Variants in THSD7A observed in about 807,000 individuals in gnomAD.
THSD7A encodes thrombospondin type-1 domain-containing protein 7A.
In THSD7A, 96 loss-of-function variants were observed where a neutral mutation model predicts 231.3. The ratio of observed to expected loss-of-function variants is 0.41; its 90% CI spans 0.35 to 0.49. THSD7A has a LOEUF of 0.49. Among genes scored for constraint, THSD7A ranks in the 20% least tolerant of loss-of-function variants. THSD7A has a pLI of 0.05. For missense variants in THSD7A, 2,290 were observed against 2,070.2 expected, an observed-to-expected ratio of 1.11 and a Z score of -2.06; for synonymous variants, 940 against 743.3, an observed-to-expected ratio of 1.26 and a Z score of -4.30.
intron 8 of THSD7A, among the ~76,000 whole-genome samples, chr7:11,473,884 T>C (rs559625441): frequency 2.4e-4 from 37 of 152,278 alleles, no homozygotes; most frequent in African/African-American, 7.9e-4. Context: ...ATTTTTGATA[T>C]AGTGTTTTCT....
At chr7:11,756,762 C>T (rs990588332) in intron 1 of THSD7A, among the ~76,000 whole-genome samples, 2 of 151,978 alleles carry the variant, frequency 1.3e-5, no homozygotes, top group Admixed American at 6.6e-5. Context: ...TCCAGAACTA[C>T]AGAGTTGAAA....
At position 11,474,432 on chromosome 7, in the gene THSD7A, T is replaced by A. The variant is rs1309747035; in HGVS notation, c.2154A>T (p.Thr718=). The A allele has an allele frequency of 6.2e-7, 1 of 1,613,510 alleles. No individual in the cohort carries two copies. Among genetic ancestry groups the A allele is most frequent in the African/African-American group, 1.3e-5 (1 of 74,906 alleles). ...IEDTSVSSFN[T]TTTWNGEASC... is the part of the protein sequence containing the mutation. Reference sequence around the variant, plus strand: ...AGGCCTCCCCATTCCAAGTCGTAGTTGTGTTGAAGGACGATACTGAGGTGT... The same window carrying A: ...AGGCCTCCCCATTCCAAGTCGTAGTAGTGTTGAAGGACGATACTGAGGTGT... Residue 718 remains threonine (T), a synonymous_variant, in exon 8 of 28, where the codon ACA becomes ACT. Coordinates refer to ENST00000423059, the MANE Select transcript of THSD7A (RefSeq NM_015204.3). The surrounding 1 kb of genome is among the most constrained non-coding windows in gnomAD (Gnocchi z 4.1).
At chr7:11,679,448 C>T (rs1302927438) in intron 1 of THSD7A, among the ~76,000 whole-genome samples, 1 of 152,096 alleles carries the variant, frequency 6.6e-6, no homozygotes, top group East Asian at 1.9e-4. Flanking sequence ...ATTTAGAAAA[C>T]CCCATTGTCT....
chr7:11,634,590 G>C lies in THSD7A; in HGVS notation c.1022+1540C>G, dbSNP rs1459992069. ...AAAATATACATGATACAGAATCAGA[G>C]GTACACACACACACACACACATACA... On this transcript the variant is annotated intron_variant, in intron 2 of 27. Coordinates refer to ENST00000423059, the MANE Select transcript of THSD7A (RefSeq NM_015204.3). This position sits in a 1 kb window ranked among gnomAD's most constrained non-coding sequence, Gnocchi z 4.1. Among the ~76,000 whole-genome samples, 1 of 85,292 alleles carries C rather than the reference G, an allele frequency of 1.2e-5. No individual in the cohort carries two copies. Among genetic ancestry groups the C allele is most frequent in the Non-Finnish European group, 2.6e-5 (1 of 37,842 alleles). 56.0% of individuals were successfully genotyped at this position (85,292 alleles called of 152,430 possible).
intron 6 of THSD7A, among the ~76,000 whole-genome samples, chr7:11,529,354 G>T (rs1452579951): frequency 6.6e-6 from 1 of 152,128 alleles, no homozygotes; most frequent in Non-Finnish European, 1.5e-5. Context: ...TATCTGATGA[G>T]TGTGTTATGA....
At chr7:11,585,193 T>A (rs1439571312) in intron 4 of THSD7A, among the ~76,000 whole-genome samples, 1 of 152,204 alleles carries the variant, frequency 6.6e-6, no homozygotes, top group African/African-American at 2.4e-5. Context: ...GGTAGACAAC[T>A]AACTACCTTA....
chr7:11,658,832 G>A (rs926326968), intron 1 of THSD7A, among the ~76,000 whole-genome samples: 5 of 151,630 alleles, frequency 3.3e-5, no homozygotes, highest in Admixed American at 6.6e-5. Context: ...TGGAATATAA[G>A]TTTTGTTTCT....
intron 13 of THSD7A, among the ~76,000 whole-genome samples, chr7:11,432,914 A>G (rs1345451020): frequency 6.6e-6 from 1 of 152,004 alleles, no homozygotes; most frequent in African/African-American, 2.4e-5. Flanking sequence ...AAAAAATGGG[A>G]TCACAAATTT....
At chr7:11,816,477 G>T (rs1367221670) in intron 1 of THSD7A, among the ~76,000 whole-genome samples, 1 of 152,170 alleles carries the variant, frequency 6.6e-6, no homozygotes. Flanking sequence ...ATGCTGGCAG[G>T]TAGATGCTAC....
intron 4 of THSD7A, among the ~76,000 whole-genome samples, chr7:11,581,258 T>A (rs1303185508): frequency 6.6e-6 from 1 of 152,134 alleles, no homozygotes; most frequent in Non-Finnish European, 1.5e-5. Context: ...ACTGGGTATT[T>A]ATACGTACTC....
At chr7:11,398,032 C>A (rs193200670) in intron 23 of THSD7A, among the ~76,000 whole-genome samples, 1 of 152,316 alleles carries the variant, frequency 6.6e-6, no homozygotes, top group South Asian at 2.1e-4. Flanking sequence ...AATCCCATTA[C>A]TGGGTATATA....
chr7:11,390,340 A>ATTTCATTAAGTTGATCTTCAATC (rs1318685311), intron 23 of THSD7A, among the ~76,000 whole-genome samples: 19 of 151,934 alleles, frequency 1.3e-4, no homozygotes, highest in African/African-American at 4.6e-4. Context: ...TTCTCACTTT[A>ATTTCATTAAGTTGATCTTCAATC]TTTCATTAAG....
intron 6 of THSD7A, among the ~76,000 whole-genome samples, chr7:11,515,672 C>T (rs1323806386): frequency 1.3e-5 from 2 of 151,862 alleles, no homozygotes; most frequent in Admixed American, 1.3e-4. Flanking sequence ...ATAAATAAAC[C>T]AAGCTTGTGA....
chr7:11,650,477 GA>G (rs1782455644), intron 1 of THSD7A, among the ~76,000 whole-genome samples: 1 of 151,956 alleles, frequency 6.6e-6, no homozygotes, highest in African/African-American at 2.4e-5. Context: ...CAGCAGATGA[GA>G]GAGCAAAACA....
Position 11,636,112 on chromosome 7 carries a change from C to T in THSD7A, c.1022+18G>A. ...TTGACAGACAAGCCTGTGTAGTTAACAGTAATTAAAATGTTACCTTAAATC... is the reference window on the plus strand; with the variant it reads ...TTGACAGACAAGCCTGTGTAGTTAATAGTAATTAAAATGTTACCTTAAATC... On this transcript the variant is annotated intron_variant, in intron 2 of 27. Transcript: ENST00000423059. This position sits in a 1 kb window ranked among gnomAD's most constrained non-coding sequence, Gnocchi z 10.0. 1.3e-6 allele frequency: 2 copies of T among 1,591,930 alleles called. No individual in the cohort carries two copies. The highest frequency in any genetic ancestry group is 1.7e-6 in the Non-Finnish European group (2 of 1,166,966).
Position 11,373,349 on chromosome 7 carries a change from C to CTATT in THSD7A, c.*2441_*2444dup, listed in dbSNP as rs1782134350. On this transcript the variant is annotated 3_prime_UTR_variant, in exon 28 of 28. Coordinates refer to ENST00000423059, the MANE Select transcript of THSD7A (RefSeq NM_015204.3). Reference sequence around the variant, plus strand: ...GTAACCACAATAGAGTCTTTCTTAACTATTTTGGACAAATGGAGTTTATTT... The same window carrying CTATT: ...GTAACCACAATAGAGTCTTTCTTAACTATTTATTTTGGACAAATGGAGTTTATTT... 1 of 151,946 alleles carries CTATT rather than the reference C, an allele frequency of 6.6e-6. No homozygotes were observed. The highest frequency in any genetic ancestry group is 1.5e-5 in the Non-Finnish European group (1 of 67,926). 9.4% of individuals were successfully genotyped at this position (151,946 alleles called of 1,614,324 possible). A position where few individuals can be genotyped will look rare whatever the true frequency, so the allele number is the denominator to read the frequency against.
At chr7:11,750,395 T>C (rs1389355670) in intron 1 of THSD7A, among the ~76,000 whole-genome samples, 4 of 151,914 alleles carry the variant, frequency 2.6e-5, no homozygotes, top group Non-Finnish European at 4.4e-5. Context: ...GTAATCATCA[T>C]GTGAAAGAAT....
chr7:11,745,595 T>C (rs1782272008), intron 1 of THSD7A, among the ~76,000 whole-genome samples: 1 of 152,168 alleles, frequency 6.6e-6, no homozygotes, highest in African/African-American at 2.4e-5. Context: ...ATTTAAGTCT[T>C]TAATCCATCT....
intron 17 of THSD7A, 48 bp from the exon 18 acceptor site, chr7:11,412,848 A>G: frequency 6.3e-7 from 1 of 1,577,328 alleles, no homozygotes; most frequent in Middle Eastern, 1.7e-4. Context: ...ACTCAGCTAC[A>G]CAACTGGTAT....
Sources: allele counts gnomAD v4.1 joint callset (sites outside exome capture counted in the v4.1 genomes callset), GRCh38; gene constraint gnomAD v4.1.1; non-coding constraint Gnocchi (gnomAD v3.1); transcripts MANE v1.5; gene names NCBI Gene and HGNC (gene_info 2026-07-23, HGNC 2026-07-21).